Variants in CSMD2 observed in about 807,000 individuals in gnomAD.
CSMD2 encodes the protein CUB and sushi domain-containing protein 2.
A neutral mutation model predicts 398.5 loss-of-function variants in CSMD2; 130 were observed. That is an observed-to-expected ratio of 0.33 (90% confidence interval 0.28 to 0.38). The LOEUF (loss-of-function observed/expected upper bound fraction) is 0.38. Ranked by LOEUF, CSMD2 falls within the 10% of genes least tolerant of loss-of-function variation. The pLI is 1.00. For missense variants in CSMD2, 3,829 were observed against 4,764.9 expected, an observed-to-expected ratio of 0.80 and a Z score of 5.78; for synonymous variants, 1,828 against 1,908.5, an observed-to-expected ratio of 0.96 and a Z score of 1.10.
At chr1:33,825,015 T>C (rs1030904372) in intron 7 of CSMD2, among the ~76,000 whole-genome samples, 12 of 152,102 alleles carry the variant, frequency 7.9e-5, no homozygotes, top group African/African-American at 2.7e-4. Flanking sequence ...AAAAGCCCCT[T>C]AGCACAGGCC....
chr1:33,852,223 A>G (rs1638761738), intron 5 of CSMD2, among the ~76,000 whole-genome samples: 1 of 151,994 alleles, frequency 6.6e-6, no homozygotes, highest in Non-Finnish European at 1.5e-5. Flanking sequence ...ATCGTTTCTC[A>G]CCTGGACTAC....
intron 10 of CSMD2, among the ~76,000 whole-genome samples, chr1:33,798,603 G>T (rs1000906780): frequency 6.6e-6 from 1 of 152,208 alleles, no homozygotes; most frequent in African/African-American, 2.4e-5. Context: ...GTCTGCAGGG[G>T]ATTTTACCCA....
chr1:34,057,046 A>G (rs1019653250), intron 2 of CSMD2, among the ~76,000 whole-genome samples: 2 of 152,162 alleles, frequency 1.3e-5, no homozygotes, highest in Non-Finnish European at 1.5e-5. Context: ...GCTCCAACCA[A>G]TGAACTATGG....
chr1:33,689,721 C>T (rs780435255), intron 25 of CSMD2, among the ~76,000 whole-genome samples: 1 of 152,176 alleles, frequency 6.6e-6, no homozygotes, highest in Non-Finnish European at 1.5e-5. Flanking sequence ...ATGAACACAT[C>T]CTTCTCTTTA....
At chr1:33,699,399 C>A (rs10798982) in intron 23 of CSMD2, among the ~76,000 whole-genome samples, 45 of 152,074 alleles carry the variant, frequency 3.0e-4, no homozygotes, top group Non-Finnish European at 4.7e-4. Context: ...TCCCACTCTA[C>A]GGCGCTATAC....
intron 17 of CSMD2, among the ~76,000 whole-genome samples, 162 bp from the exon 18 acceptor site, chr1:33,724,866 T>C (rs939232651): frequency 6.6e-6 from 1 of 152,166 alleles, no homozygotes; most frequent in African/African-American, 2.4e-5. Context: ...GAGAGTGGCT[T>C]AGGTGCTATG....
At chr1:33,825,889 C>T (rs1658752286) in intron 6 of CSMD2, 115 bp from the exon 7 acceptor site, 2 of 803,976 alleles carry the variant, frequency 2.5e-6, no homozygotes, top group East Asian at 2.7e-5. Flanking sequence ...GGGTCAAAGC[C>T]AGGAACTTCT....
intron 6 of CSMD2, among the ~76,000 whole-genome samples, chr1:33,829,244 T>G (rs961193475): frequency 6.6e-6 from 1 of 152,184 alleles, no homozygotes; most frequent in Non-Finnish European, 1.5e-5. Context: ...GAACCTACAG[T>G]TGGCACACAC....
rs2148803787 is a variant in CSMD2, at chr1:33,600,887, C to T, written c.6834G>A (p.Gly2278=). Residue 2278 remains glycine, a synonymous_variant, in exon 44 of 71, where the codon GGG becomes GGA. Transcript: ENST00000373381. The part of the protein sequence containing the change: ...LKFHRDAATG[G]IFAIAFSAYP... The stretch of plus-strand genomic sequence containing the variant: ...GACCGGAGAAAGCTATGGCGAAGAT[C>T]CCCCCTGTGGCTGCATCACGGTGGA... 5.6e-6 allele frequency: 9 copies of T among 1,614,076 alleles called. No homozygotes were observed. Among genetic ancestry groups the T allele is most frequent in the South Asian group, 1.1e-5 (1 of 91,066 alleles).
At chr1:33,876,158 C>T (rs961804505) in intron 5 of CSMD2, among the ~76,000 whole-genome samples, 1 of 152,172 alleles carries the variant, frequency 6.6e-6, no homozygotes, top group African/African-American at 2.4e-5. Context: ...AGTTGTCTCA[C>T]AGCTGGGAAG....
At chr1:33,595,529 T>C (rs1639780486) in intron 44 of CSMD2, among the ~76,000 whole-genome samples, 1 of 152,186 alleles carries the variant, frequency 6.6e-6, no homozygotes, top group African/African-American at 2.4e-5. Context: ...TCCCCTTCCT[T>C]ATAAAAACTT....
chr1:33,962,526 A>G (rs1390688031), intron 3 of CSMD2, among the ~76,000 whole-genome samples: 1 of 152,012 alleles, frequency 6.6e-6, no homozygotes, highest in East Asian at 1.9e-4. Context: ...TGAGGGAAAA[A>G]ATTTATTACT....
chr1:33,975,791 G>A (rs1363430181), intron 3 of CSMD2, among the ~76,000 whole-genome samples: 1 of 152,102 alleles, frequency 6.6e-6, no homozygotes, highest in African/African-American at 2.4e-5. Flanking sequence ...CATGGCTGTG[G>A]GCCTGCTTTG....
chr1:33,561,871 G>A (rs962810198), intron 53 of CSMD2, among the ~76,000 whole-genome samples: 8 of 152,158 alleles, frequency 5.3e-5, no homozygotes, highest in African/African-American at 9.7e-5. Flanking sequence ...CAGCCAGCTC[G>A]GGAGAGGGTC....
rs936900076 is a variant in CSMD2, at chr1:33,929,432, CT to C, written c.712+6327del. On this transcript the variant is annotated intron_variant, in intron 4 of 70. Transcript: ENST00000373381. ...TCCTGAACTCAGAACCAAGCCTATA[CT>C]TTTTTTTTTTTTTTTTTTTTTTGAG... is the stretch of plus-strand genomic sequence containing the variant. Among the ~76,000 whole-genome samples, 757 of 100,644 alleles carry C rather than the reference CT, an allele frequency of 7.5e-3. 2 individuals carry two copies. The highest frequency in any genetic ancestry group is 0.023 in the Middle Eastern group (3 of 130). The allele number at this position is 100,644 out of a possible 152,430, so 66.0% of individuals were successfully genotyped here.
intron 1 of CSMD2, among the ~76,000 whole-genome samples, chr1:34,119,854 G>A (rs550527502): frequency 6.6e-6 from 1 of 152,300 alleles, no homozygotes; most frequent in East Asian, 1.9e-4. Context: ...ATAAAAAACA[G>A]CATGGAAGAT....
intron 5 of CSMD2, among the ~76,000 whole-genome samples, chr1:33,876,738 T>C (rs4653355): frequency 0.84 from 127,712 of 152,022 alleles, 54,165 homozygotes; most frequent in African/African-American, 0.96. Flanking sequence ...TTGCTCCTTG[T>C]CCACTCTAAG....
chr1:33,521,684 C>T (rs549444664), intron 67 of CSMD2, 134 bp from the exon 68 acceptor site: 8 of 681,376 alleles, frequency 1.2e-5, no homozygotes, highest in Non-Finnish European at 2.1e-5. Context: ...GTTCTCTGCC[C>T]ACACCTAGGC....
chr1:33,585,770 C>T (rs559573410), intron 46 of CSMD2, among the ~76,000 whole-genome samples: 1 of 152,216 alleles, frequency 6.6e-6, no homozygotes, highest in Non-Finnish European at 1.5e-5. Flanking sequence ...CCATAGGCTA[C>T]TGAATATTTG....
Sources: gnomAD v4.1 joint callset for allele counts (sites outside exome capture counted in the v4.1 genomes callset) on GRCh38, gnomAD v4.1.1 for gene constraint, MANE v1.5 for transcripts, NCBI Gene and HGNC (gene_info 2026-07-23, HGNC 2026-07-21) for gene names.